Variants in ARHGAP26 observed in about 807,000 individuals in gnomAD.
ARHGAP26 encodes the protein Rho GTPase activating protein 26, also known as rho GTPase-activating protein 26.
Under a neutral mutation model 104.8 loss-of-function variants are expected in ARHGAP26, and 38 were observed. The observed-to-expected ratio is 0.36, with a 90% CI of 0.28 to 0.48. The LOEUF is 0.48. Ranked by LOEUF, ARHGAP26 falls within the 20% of genes least tolerant of loss-of-function variation. The pLI, the probability that ARHGAP26 is intolerant of heterozygous loss-of-function variation, is 0.99. For missense variants in ARHGAP26, 704 were observed against 947.9 expected, an observed-to-expected ratio of 0.74 and a Z score of 3.38; for synonymous variants, 341 against 340.0, an observed-to-expected ratio of 1.00 and a Z score of -0.03.
intron 1 of ARHGAP26, among the ~76,000 whole-genome samples, chr5:142,834,302 T>C (rs1170910730): frequency 6.6e-6 from 1 of 152,238 alleles, no homozygotes; most frequent in East Asian, 1.9e-4. Flanking sequence ...AAGCTCCATC[T>C]CATCTCTAGC....
intron 17 of ARHGAP26, among the ~76,000 whole-genome samples, chr5:143,060,452 T>C (rs973534155): frequency 1.3e-5 from 2 of 152,022 alleles, no homozygotes; most frequent in Admixed American, 6.6e-5. Flanking sequence ...AAAAAAAGTA[T>C]TGGGTGGGGG....
intron 11 of ARHGAP26, among the ~76,000 whole-genome samples, chr5:143,009,313 G>A (rs1043415871): frequency 2.6e-5 from 4 of 152,052 alleles, no homozygotes; most frequent in African/African-American, 4.8e-5. Context: ...CATCATCGTC[G>A]TCATTGTCAT....
At chr5:143,061,200 C>T (rs1562351070) in intron 17 of ARHGAP26, among the ~76,000 whole-genome samples, 1 of 152,186 alleles carries the variant, frequency 6.6e-6, no homozygotes. Flanking sequence ...TTTTCTTTCT[C>T]TTCCAATTGT....
At chr5:142,916,176 T>C (rs1333193568) in intron 10 of ARHGAP26, among the ~76,000 whole-genome samples, 1 of 152,256 alleles carries the variant, frequency 6.6e-6, no homozygotes, top group African/African-American at 2.4e-5. Flanking sequence ...CTAGAAATGT[T>C]TTATTCTATC....
chr5:142,852,869 C>T (rs559577484), intron 1 of ARHGAP26, among the ~76,000 whole-genome samples: 3 of 152,356 alleles, frequency 2.0e-5, no homozygotes, highest in East Asian at 3.9e-4. Flanking sequence ...GTCAGGGATT[C>T]GAGCTGCTGT....
chr5:142,922,082 T>C (rs1460336950), intron 10 of ARHGAP26: 2 of 152,214 alleles, frequency 1.3e-5, no homozygotes, highest in Non-Finnish European at 2.9e-5. Flanking sequence ...TTTCAAACTG[T>C]GTATGTGATA....
chr5:142,893,198 G>A (rs550813117), intron 5 of ARHGAP26, among the ~76,000 whole-genome samples: 12 of 151,788 alleles, frequency 7.9e-5, no homozygotes, highest in African/African-American at 1.5e-4. Flanking sequence ...GGATTGTCTC[G>A]ATCTCTTGAC....
At chr5:142,851,093 T>G (rs1412605507) in intron 1 of ARHGAP26, among the ~76,000 whole-genome samples, 1 of 150,944 alleles carries the variant, frequency 6.6e-6, no homozygotes. Flanking sequence ...CCATGGAAAA[T>G]ACATTTTTTT....
chr5:143,087,147 A>C (rs770628356), intron 17 of ARHGAP26, among the ~76,000 whole-genome samples: 1 of 152,212 alleles, frequency 6.6e-6, no homozygotes, highest in Non-Finnish European at 1.5e-5. Context: ...CTACCTCTTT[A>C]GAGTCCAGAC....
intron 5 of ARHGAP26, among the ~76,000 whole-genome samples, chr5:142,885,691 A>G (rs1331386338): frequency 6.6e-6 from 1 of 151,990 alleles, no homozygotes; most frequent in Non-Finnish European, 1.5e-5. Context: ...TTTCATACTG[A>G]CATTTCTTTT....
At chr5:143,118,641 G>A (rs1173683389) in intron 17 of ARHGAP26, among the ~76,000 whole-genome samples, 2 of 152,114 alleles carry the variant, frequency 1.3e-5, no homozygotes, top group Non-Finnish European at 1.5e-5. Flanking sequence ...GTGTGGTGGC[G>A]CATGCCTGTA....
In ARHGAP26 at chr5:143,203,238, A is replaced by G. The variant is rs1323985626; in HGVS notation, c.1989-3960A>G. On this transcript the variant is annotated intron_variant, in intron 20 of 22. Coordinates refer to ENST00000645722, the MANE Select transcript of ARHGAP26 (RefSeq NM_001135608.3). ...AACAAATTTACAAGAAAAAAAAACA[A>G]CCCCATCAAAAAGTGGGTGAAGGAT... The G allele has an allele frequency of 3.9e-5, 6 of 152,254 alleles. No individual in the cohort carries two copies. In the South Asian group the frequency reaches 1.0e-3, roughly 26 times the overall value. The allele number at this position is 152,254 out of a possible 1,614,324, so 9.4% of individuals were successfully genotyped here. A position where few individuals can be genotyped will look rare whatever the true frequency, so the allele number is the denominator to read the frequency against.
At chr5:142,982,130 A>G (rs1017330710) in intron 11 of ARHGAP26, among the ~76,000 whole-genome samples, 2 of 152,134 alleles carry the variant, frequency 1.3e-5, no homozygotes, top group Admixed American at 1.3e-4. Context: ...CAGACAGTGG[A>G]CTGATGGTTT....
At chr5:142,780,194 G>A (rs1011475387) in intron 1 of ARHGAP26, among the ~76,000 whole-genome samples, 2 of 152,170 alleles carry the variant, frequency 1.3e-5, no homozygotes, top group African/African-American at 4.8e-5. Flanking sequence ...CTCACTCATT[G>A]TTAGATTGCA....
intron 17 of ARHGAP26, among the ~76,000 whole-genome samples, chr5:143,100,623 A>G (rs1793078522): frequency 6.6e-6 from 1 of 152,222 alleles, no homozygotes; most frequent in Admixed American, 6.5e-5. Context: ...TTCCAGTTTT[A>G]GGTTTTGGAC....
At chr5:142,895,484 C>T (rs1759342974) in intron 6 of ARHGAP26, among the ~76,000 whole-genome samples, 2 of 152,146 alleles carry the variant, frequency 1.3e-5, no homozygotes. Flanking sequence ...CCCGCCTCGG[C>T]CTCCCAAAGT....
intron 10 of ARHGAP26, among the ~76,000 whole-genome samples, 163 bp from the exon 11 acceptor site, chr5:142,931,884 C>G (rs1177186865): frequency 6.6e-6 from 1 of 152,192 alleles, no homozygotes; most frequent in African/African-American, 2.4e-5. Context: ...GCCATCCTTT[C>G]TGAGAGTAGA....
At chr5:142,886,037 C>T (rs769244793) in intron 5 of ARHGAP26, among the ~76,000 whole-genome samples, 2 of 152,102 alleles carry the variant, frequency 1.3e-5, no homozygotes, top group Non-Finnish European at 2.9e-5. Context: ...CCATCGCAGC[C>T]GTGGAGCTGT....
intron 1 of ARHGAP26, among the ~76,000 whole-genome samples, chr5:142,864,871 A>C (rs546325162): frequency 2.0e-5 from 3 of 152,368 alleles, no homozygotes; most frequent in South Asian, 4.1e-4. Context: ...AGAGACCGGG[A>C]TTTAAGCTGA....
Sources: allele counts gnomAD v4.1 joint callset (sites outside exome capture counted in the v4.1 genomes callset), GRCh38; gene constraint gnomAD v4.1.1; transcripts MANE v1.5; gene names NCBI Gene and HGNC (gene_info 2026-07-23, HGNC 2026-07-21).